ZFPM2: variants seen among roughly 807,000 people sequenced by gnomAD.
ZFPM2 encodes the protein zinc finger protein ZFPM2.
ZFPM2 carries 20 observed loss-of-function variants against 98.6 expected under a neutral mutation model. The observed-to-expected ratio is 0.20, with a 90% CI of 0.14 to 0.29. ZFPM2 has a LOEUF of 0.29. Ranked by LOEUF, ZFPM2 falls within the 10% of genes least tolerant of loss-of-function variation. ZFPM2 has a pLI of 1.00. For synonymous variants in ZFPM2, 518 were observed against 502.7 expected, an observed-to-expected ratio of 1.03 and a Z score of -0.41; for missense variants, 1,310 against 1,388.6, an observed-to-expected ratio of 0.94 and a Z score of 0.90.
At chr8:105,328,255 A>T (rs1812151197) in intron 1 of ZFPM2, among the ~76,000 whole-genome samples, 1 of 151,810 alleles carries the variant, frequency 6.6e-6, no homozygotes, top group Admixed American at 6.6e-5. Context: ...ATGTATATTG[A>T]CAACATTACC....
intron 5 of ZFPM2, among the ~76,000 whole-genome samples, chr8:105,747,071 A>C (rs551043191): frequency 3.3e-5 from 5 of 152,218 alleles, no homozygotes; most frequent in African/African-American, 1.2e-4. Context: ...AACACAAGGA[A>C]ATATAATGGT....
At chr8:105,447,942 T>G (rs1301698008) in intron 3 of ZFPM2, among the ~76,000 whole-genome samples, 1 of 152,100 alleles carries the variant, frequency 6.6e-6, no homozygotes, top group African/African-American at 2.4e-5. Flanking sequence ...TGCTCACACC[T>G]TTGTTAGCTG....
intron 5 of ZFPM2, among the ~76,000 whole-genome samples, chr8:105,781,697 G>T (rs376319435): frequency 6.6e-6 from 1 of 152,014 alleles, no homozygotes; most frequent in Admixed American, 6.6e-5. Flanking sequence ...CTCCAGCCTG[G>T]GTGACAGAGT....
At chr8:105,416,874 T>G (rs1260413009) in intron 1 of ZFPM2, among the ~76,000 whole-genome samples, 2 of 152,178 alleles carry the variant, frequency 1.3e-5, no homozygotes, top group African/African-American at 4.8e-5. Flanking sequence ...CATCTATGAA[T>G]AAATAATTAT....
intron 1 of ZFPM2, among the ~76,000 whole-genome samples, chr8:105,373,204 TAGAA>T (rs1359577264): frequency 3.9e-5 from 6 of 152,186 alleles, no homozygotes; most frequent in Non-Finnish European, 8.8e-5. Context: ...GCAGAGGATC[TAGAA>T]AGAGTCAAAA....
At chr8:105,475,999 G>C (rs756558824) in intron 3 of ZFPM2, among the ~76,000 whole-genome samples, 1 of 152,200 alleles carries the variant, frequency 6.6e-6, no homozygotes, top group Non-Finnish European at 1.5e-5. Flanking sequence ...TAGCATTGGT[G>C]ATCTTGATAT....
intron 5 of ZFPM2, among the ~76,000 whole-genome samples, chr8:105,781,469 C>A (rs1488308650): frequency 2.6e-5 from 4 of 152,072 alleles, no homozygotes; most frequent in Admixed American, 1.3e-4. Flanking sequence ...ACCTGTAATC[C>A]CAGCACTTTG....
chr8:105,438,677 A>T (rs1203864042), intron 2 of ZFPM2, among the ~76,000 whole-genome samples: 3 of 152,192 alleles, frequency 2.0e-5, no homozygotes, highest in Non-Finnish European at 2.9e-5. Context: ...ATAAGGGAGA[A>T]CTCAAAAGAC....
intron 2 of ZFPM2, among the ~76,000 whole-genome samples, chr8:105,427,110 A>G (rs1586364359): frequency 6.6e-6 from 1 of 152,208 alleles, no homozygotes; most frequent in East Asian, 1.9e-4. Context: ...TTAAAAAACC[A>G]CAATTGTTGG....
intron 4 of ZFPM2, among the ~76,000 whole-genome samples, chr8:105,596,370 GAAAC>G (rs930639701): frequency 2.0e-5 from 3 of 152,004 alleles, no homozygotes; most frequent in African/African-American, 7.2e-5. Context: ...AAAAAAGAAG[GAAAC>G]AAAGAAAGAG....
chr8:105,640,285 A>G (rs748244071), intron 5 of ZFPM2, among the ~76,000 whole-genome samples: 3 of 151,206 alleles, frequency 2.0e-5, no homozygotes, highest in Non-Finnish European at 3.0e-5. Flanking sequence ...GCAAATTTGC[A>G]TACATATTTA....
At chr8:105,551,844 A>C (rs1814860248) in intron 3 of ZFPM2, among the ~76,000 whole-genome samples, 4 of 152,186 alleles carry the variant, frequency 2.6e-5, no homozygotes, top group Admixed American at 2.6e-4. Flanking sequence ...GTTACAATAC[A>C]TGACCATATC....
At chr8:105,391,841 A>G (rs1324069805) in intron 1 of ZFPM2, among the ~76,000 whole-genome samples, 2 of 152,218 alleles carry the variant, frequency 1.3e-5, no homozygotes, top group Non-Finnish European at 2.9e-5. Flanking sequence ...GTCATCCATA[A>G]GAGTTGGAAT....
At chr8:105,782,924 A>G (rs920349495) in intron 5 of ZFPM2, among the ~76,000 whole-genome samples, 2 of 152,072 alleles carry the variant, frequency 1.3e-5, no homozygotes, top group African/African-American at 4.8e-5. Flanking sequence ...GATTCCTTAA[A>G]TTTCACCTCT....
intron 5 of ZFPM2, among the ~76,000 whole-genome samples, chr8:105,668,806 T>C (rs1817533553): frequency 6.6e-6 from 1 of 152,226 alleles, no homozygotes; most frequent in Non-Finnish European, 1.5e-5. Context: ...GAGATTACTT[T>C]AGTTTCTCAA....
chr8:105,392,868 C>A (rs1156885775), intron 1 of ZFPM2, among the ~76,000 whole-genome samples: 4 of 152,048 alleles, frequency 2.6e-5, no homozygotes, highest in Admixed American at 1.3e-4. Flanking sequence ...TTTTTCAGTT[C>A]TTTTCGTGCT....
At chr8:105,443,338 A>AAAAAAAAAAAAAC (rs1554605250) in intron 2 of ZFPM2, among the ~76,000 whole-genome samples, 1 of 151,002 alleles carries the variant, frequency 6.6e-6, no homozygotes, top group African/African-American at 2.4e-5. Flanking sequence ...AAAAAAAAAA[A>AAAAAAAAAAAAAC]ACTTGGCATT....
At chr8:105,559,859 G>A (rs889722845) in intron 3 of ZFPM2, among the ~76,000 whole-genome samples, 7 of 152,014 alleles carry the variant, frequency 4.6e-5, no homozygotes, top group Admixed American at 2.6e-4. Context: ...AAGCTAAAGC[G>A]AGATTAAGGC....
intron 1 of ZFPM2, among the ~76,000 whole-genome samples, chr8:105,416,787 C>CT (rs1811687815): frequency 6.6e-6 from 1 of 151,798 alleles, no homozygotes; most frequent in Non-Finnish European, 1.5e-5. Context: ...GGGGAGGTGT[C>CT]TAATATTTTG....
Sources: allele counts gnomAD v4.1 joint callset (sites outside exome capture counted in the v4.1 genomes callset), GRCh38; gene constraint gnomAD v4.1.1; transcripts MANE v1.5; gene names NCBI Gene and HGNC (gene_info 2026-07-23, HGNC 2026-07-21).